Variants in RAB3C observed in about 807,000 individuals in gnomAD.
The protein encoded by RAB3C is RAB3C, member RAS oncogene family, also known as ras-related protein Rab-3C.
In RAB3C, 17 loss-of-function variants were observed where a neutral mutation model predicts 26.4. The observed-to-expected ratio is 0.64, with a 90% CI of 0.44 to 0.97. The LOEUF (loss-of-function observed/expected upper bound fraction) is 0.97. RAB3C is among the 50% of genes least tolerant of loss of function. The pLI, the probability that RAB3C is intolerant of heterozygous loss-of-function variation, is 0.00. For missense variants in RAB3C, 242 were observed against 281.9 expected (o/e 0.86, Z 1.01); for synonymous variants, 91 against 95.9 (o/e 0.95, Z 0.30).
intron 2 of RAB3C, among the ~76,000 whole-genome samples, chr5:58,712,513 G>A (rs998155070): frequency 2.6e-5 from 4 of 152,034 alleles, no homozygotes; most frequent in Non-Finnish European, 4.4e-5. Flanking sequence ...ACAAAAAAAA[G>A]AATAGCCATT....
chr5:58,686,995 C>T (rs766950452), intron 2 of RAB3C, among the ~76,000 whole-genome samples: 1 of 152,044 alleles, frequency 6.6e-6, no homozygotes, highest in Non-Finnish European at 1.5e-5. Context: ...CATTTTAAAA[C>T]CTCAAAGTCA....
At chr5:58,712,814 C>A (rs1488114250) in intron 2 of RAB3C, among the ~76,000 whole-genome samples, 1 of 152,196 alleles carries the variant, frequency 6.6e-6, no homozygotes, top group Non-Finnish European at 1.5e-5. Flanking sequence ...CATAAGCCAC[C>A]ATGCCTGACC....
At chr5:58,644,837 CCCATCCCTAAGTGGG>C (rs1423105541) in intron 2 of RAB3C, among the ~76,000 whole-genome samples, 1 of 152,134 alleles carries the variant, frequency 6.6e-6, no homozygotes, top group Non-Finnish European at 1.5e-5. Context: ...CTATCTTTTT[CCCATCCCTAAGTGGG>C]CCACAGCAGG....
At chr5:58,841,758 T>C (rs1321785920) in intron 4 of RAB3C, among the ~76,000 whole-genome samples, 1 of 152,172 alleles carries the variant, frequency 6.6e-6, no homozygotes, top group East Asian at 1.9e-4. Context: ...TCCAGGCAGA[T>C]CTGATCCAGT....
intron 2 of RAB3C, among the ~76,000 whole-genome samples, chr5:58,624,254 C>T (rs1747007261): frequency 6.6e-6 from 1 of 152,038 alleles, no homozygotes; most frequent in South Asian, 2.1e-4. Context: ...AAGGCCTGAG[C>T]ACAGCACACA....
At chr5:58,713,793 AAC>A (rs557603614) in intron 2 of RAB3C, among the ~76,000 whole-genome samples, 148 of 152,302 alleles carry the variant, frequency 9.7e-4, no homozygotes, top group Middle Eastern at 6.8e-3. Flanking sequence ...TCATTGATAA[AAC>A]ACAGGCATAA....
chr5:58,746,397 G>A (rs2111955673), intron 3 of RAB3C, among the ~76,000 whole-genome samples: 1 of 152,268 alleles, frequency 6.6e-6, no homozygotes, highest in Middle Eastern at 3.4e-3. Context: ...AGAGAGAATG[G>A]GTGATATGCT....
chr5:58,824,614 A>G (rs560611515), intron 3 of RAB3C, among the ~76,000 whole-genome samples: 8 of 152,274 alleles, frequency 5.3e-5, no homozygotes, highest in African/African-American at 1.9e-4. Context: ...GATGTGCTGT[A>G]AATAGGTTGG....
intron 2 of RAB3C, among the ~76,000 whole-genome samples, chr5:58,704,840 T>C (rs176637): frequency 0.48 from 72,864 of 151,888 alleles, 18,841 homozygotes; most frequent in Non-Finnish European, 0.59. Flanking sequence ...GGTGATCTTA[T>C]AGCTAAACAC....
intron 3 of RAB3C, among the ~76,000 whole-genome samples, chr5:58,767,637 G>A (rs898810992): frequency 1.3e-5 from 2 of 152,192 alleles, no homozygotes; most frequent in Non-Finnish European, 2.9e-5. Context: ...TGAAGACTTG[G>A]TGAGGAGAGA....
At chr5:58,670,692 C>T (rs1015054492) in intron 2 of RAB3C, among the ~76,000 whole-genome samples, 5 of 152,172 alleles carry the variant, frequency 3.3e-5, no homozygotes, top group Admixed American at 6.6e-5. Context: ...ACTGTCCGCC[C>T]GAAGTGTAAC....
At chr5:58,802,485 C>T (rs1305556269) in intron 3 of RAB3C, among the ~76,000 whole-genome samples, 2 of 152,176 alleles carry the variant, frequency 1.3e-5, no homozygotes, top group Non-Finnish European at 1.5e-5. Flanking sequence ...ACCTAACGGC[C>T]ACGGCTGCTG....
chr5:58,726,858 C>T (rs1579882064), intron 3 of RAB3C, among the ~76,000 whole-genome samples: 1 of 152,058 alleles, frequency 6.6e-6, no homozygotes, highest in East Asian at 1.9e-4. Flanking sequence ...CCACCAGCAC[C>T]TTGAGAGCAG....
At chr5:58,722,731 C>A (rs1263692094) in intron 2 of RAB3C, among the ~76,000 whole-genome samples, 1 of 151,822 alleles carries the variant, frequency 6.6e-6, no homozygotes, top group African/African-American at 2.4e-5. Context: ...TGAATTAAAT[C>A]CAATGAATAT....
chr5:58,781,879 A>G (rs893974882), intron 3 of RAB3C, among the ~76,000 whole-genome samples: 2 of 151,944 alleles, frequency 1.3e-5, no homozygotes, highest in African/African-American at 4.8e-5. Context: ...TCATCTCTGT[A>G]TGTCTCATTT....
intron 2 of RAB3C, among the ~76,000 whole-genome samples, chr5:58,679,477 AT>A (rs1748302598): frequency 6.6e-6 from 1 of 152,206 alleles, no homozygotes; most frequent in Non-Finnish European, 1.5e-5. Context: ...CAATTCTGTT[AT>A]AGTACAAGCC....
intron 3 of RAB3C, among the ~76,000 whole-genome samples, chr5:58,798,158 C>A (rs147963560): frequency 6.6e-6 from 1 of 152,134 alleles, no homozygotes; most frequent in African/African-American, 2.4e-5. Flanking sequence ...TAGAAAATCA[C>A]AATTTTTCAA....
chr5:58,632,850 A>G (rs1336221194), intron 2 of RAB3C, among the ~76,000 whole-genome samples: 1 of 152,070 alleles, frequency 6.6e-6, no homozygotes, highest in Non-Finnish European at 1.5e-5. Context: ...TCTGATTGCT[A>G]ACTTTGCTTT....
chr5:58,658,712 G>A (rs375678619), intron 2 of RAB3C, among the ~76,000 whole-genome samples: 2 of 152,138 alleles, frequency 1.3e-5, no homozygotes, highest in Non-Finnish European at 2.9e-5. Context: ...TGATGCATCT[G>A]TGATCAGCAG....
Sources: allele counts gnomAD v4.1 joint callset (sites outside exome capture counted in the v4.1 genomes callset), GRCh38; gene constraint gnomAD v4.1.1; transcripts MANE v1.5; gene names NCBI Gene and HGNC (gene_info 2026-07-23, HGNC 2026-07-21).